The following RUSC2 variants were observed in gnomAD, a reference collection of about 807,000 sequenced individuals.
The protein encoded by RUSC2 is RUN and SH3 domain containing 2, also known as AP-4 complex accessory subunit RUSC2.
Under a neutral mutation model 122.2 loss-of-function variants are expected in RUSC2, and 34 were observed. The observed-to-expected ratio is 0.28, with a 90% CI of 0.21 to 0.37. The LOEUF is 0.37. Ranked by LOEUF, RUSC2 falls within the 10% of genes least tolerant of loss-of-function variation. The pLI is 1.00. For missense variants in RUSC2, 1,747 were observed against 1,952.4 expected, an observed-to-expected ratio of 0.89 and a Z score of 1.98; for synonymous variants, 784 against 790.0, an observed-to-expected ratio of 0.99 and a Z score of 0.13.
chr9:35,548,526 A>G lies in RUSC2; in HGVS notation c.2005A>G (p.Arg669Gly). 1 of 1,610,810 alleles carries G rather than the reference A, an allele frequency of 6.2e-7. No homozygotes were observed. Among genetic ancestry groups the G allele is most frequent in the East Asian group, 2.2e-5 (1 of 44,872 alleles). ...CCATACCCAGAGGGATGCAAGAGCT[A>G]GAGCTGACGGTAAGGAGCCTAAGGG... ...NSHTQRDARA[R>G]ADGGGTESRP... is the part of the protein sequence containing the mutation. Residue 669 changes from arginine (R) to glycine (G), a missense_variant, in exon 2 of 12, where the codon AGA becomes GGA. Transcript: ENST00000361226. The surrounding 1 kb of genome is among the most constrained non-coding windows in gnomAD (Gnocchi z 4.5).
At chr9:35,499,437 T>C (rs922435999) in intron 1 of RUSC2, among the ~76,000 whole-genome samples, 1 of 152,216 alleles carries the variant, frequency 6.6e-6, no homozygotes, top group African/African-American at 2.4e-5. Flanking sequence ...TCCTTGGAAT[T>C]GTTGGTTTAA....
intron 1 of RUSC2, among the ~76,000 whole-genome samples, chr9:35,538,332 C>T (rs529222368): frequency 6.6e-6 from 1 of 152,184 alleles, no homozygotes; most frequent in Non-Finnish European, 1.5e-5. Context: ...CTGTCTACCG[C>T]CCCGTCTCTC....
chr9:35,518,807 T>C (rs1421722656), intron 1 of RUSC2, among the ~76,000 whole-genome samples: 1 of 152,246 alleles, frequency 6.6e-6, no homozygotes, highest in African/African-American at 2.4e-5. Context: ...AACAGGCTTT[T>C]TCTTTTTCTT....
In RUSC2 at chr9:35,560,294, A is replaced by G; in HGVS notation, c.3654A>G (p.Gly1218=). 3 of 1,595,316 alleles carry G rather than the reference A, an allele frequency of 1.9e-6. No individual in the cohort carries two copies. The highest frequency in any genetic ancestry group is 1.7e-6 in the Non-Finnish European group (2 of 1,170,030). Residue 1218 remains glycine (G), a synonymous_variant, in exon 10 of 12, where the codon GGA becomes GGG. Coordinates refer to ENST00000361226, the MANE Select transcript of RUSC2 (RefSeq NM_014806.5). ...LARARGQEGP[G]DVDRAAQGER... is the part of the protein sequence containing the mutation. ...GGGCCCGGGGCCAGGAGGGCCCTGG[A>G]GACGTGGACAGGGCAGCCCAAGGGG...
intron 2 of RUSC2, chr9:35,549,055 C>A: frequency 1.0e-6 from 1 of 981,848 alleles, no homozygotes; most frequent in Non-Finnish European, 1.2e-6. Flanking sequence ...TAAATAAATA[C>A]ACTGAGGAGA....
At chr9:35,545,370 C>A (rs1040640786) in intron 1 of RUSC2, among the ~76,000 whole-genome samples, 1 of 152,178 alleles carries the variant, frequency 6.6e-6, no homozygotes, top group Non-Finnish European at 1.5e-5. Flanking sequence ...AAGACTGTTG[C>A]GACCTGAACG....
At chr9:35,510,194 T>C (rs1410178720) in intron 1 of RUSC2, among the ~76,000 whole-genome samples, 1 of 152,184 alleles carries the variant, frequency 6.6e-6, no homozygotes, top group Non-Finnish European at 1.5e-5. Flanking sequence ...TTCCGGTGAC[T>C]TTTCAAGAGT....
At chr9:35,531,894 C>T (rs960995037) in intron 1 of RUSC2, among the ~76,000 whole-genome samples, 6 of 152,066 alleles carry the variant, frequency 3.9e-5, no homozygotes, top group Admixed American at 1.3e-4. Flanking sequence ...GGCGTGGTGG[C>T]GGGCGCCTGT....
chr9:35,516,511 T>C (rs1043931047), intron 1 of RUSC2, among the ~76,000 whole-genome samples: 1 of 152,216 alleles, frequency 6.6e-6, no homozygotes, highest in Non-Finnish European at 1.5e-5. Flanking sequence ...AGATGGTTTA[T>C]GGTTCATTCT....
intron 1 of RUSC2, among the ~76,000 whole-genome samples, chr9:35,501,017 G>GA (rs1242182849): frequency 4.6e-5 from 7 of 152,014 alleles, no homozygotes; most frequent in African/African-American, 1.7e-4. Context: ...ATCTTATGAG[G>GA]AAAAAAAGAC....
chr9:35,514,703 A>T (rs10972499), intron 1 of RUSC2, among the ~76,000 whole-genome samples: 27,305 of 152,058 alleles, frequency 0.18, 2,934 homozygotes, highest in East Asian at 0.33. Flanking sequence ...TCAGCAACGG[A>T]AGTACAGAGA....
intron 1 of RUSC2, among the ~76,000 whole-genome samples, chr9:35,533,508 G>A (rs1821463924): frequency 6.6e-6 from 1 of 152,164 alleles, no homozygotes; most frequent in South Asian, 2.1e-4. Context: ...GCCATTTAAA[G>A]TATACAATTC....
intron 1 of RUSC2, among the ~76,000 whole-genome samples, chr9:35,510,145 A>G (rs1820986705): frequency 6.6e-6 from 1 of 152,262 alleles, no homozygotes; most frequent in Admixed American, 6.5e-5. Context: ...ATGAATGGGA[A>G]TAAAAGTGGA....
intron 1 of RUSC2, among the ~76,000 whole-genome samples, chr9:35,491,916 T>A (rs1820576031): frequency 6.6e-6 from 1 of 152,156 alleles, no homozygotes; most frequent in Non-Finnish European, 1.5e-5. Context: ...GATGTTGCAG[T>A]GAGCTGAGAT....
At chr9:35,529,171 G>A (rs1189387339) in intron 1 of RUSC2, among the ~76,000 whole-genome samples, 1 of 152,114 alleles carries the variant, frequency 6.6e-6, no homozygotes, top group Non-Finnish European at 1.5e-5. Context: ...GGCAAATCAA[G>A]GAGGGTAGAG....
intron 1 of RUSC2, among the ~76,000 whole-genome samples, chr9:35,513,543 T>C (rs1821047989): frequency 1.3e-5 from 2 of 151,578 alleles, no homozygotes; most frequent in South Asian, 4.2e-4. Flanking sequence ...GCACCCAACC[T>C]GAGAGTTGTA....
chr9:35,560,929 G>A (rs780693732), intron 10 of RUSC2, 31 bp from the exon 11 acceptor site: 1 of 1,608,816 alleles, frequency 6.2e-7, no homozygotes, highest in East Asian at 2.2e-5. Flanking sequence ...GCCCATCCTG[G>A]GCAGAGCCTG....
In RUSC2 at chr9:35,560,554, G is replaced by T. The variant is rs1280397035; in HGVS notation, c.3914G>T (p.Gly1305Val). Reference sequence around the variant, plus strand: ...AACAGCAGCAGCGAGAAAAAGAAAGGGGCAGGAGGTGGGGGACCTCCCCAG... The same window carrying T: ...AACAGCAGCAGCGAGAAAAAGAAAGTGGCAGGAGGTGGGGGACCTCCCCAG... ...SSNSSSEKKK[G>V]AGGGGPPQAP... is the part of the protein sequence containing the mutation. Residue 1305 changes from glycine (G) to valine (V), a missense_variant, in exon 10 of 12, where the codon GGG (glycine) becomes GTG (valine). By Grantham distance (109) the Gly-to-Val change is moderately radical (BLOSUM62 -3). Coordinates refer to ENST00000361226, the MANE Select transcript of RUSC2 (RefSeq NM_014806.5). The T allele has an allele frequency of 6.2e-7, 1 of 1,614,032 alleles. No individual in the cohort carries two copies. The highest frequency in any genetic ancestry group is 1.3e-5 in the African/African-American group (1 of 74,922).
At chr9:35,517,697 C>T (rs572887563) in intron 1 of RUSC2, among the ~76,000 whole-genome samples, 4 of 152,258 alleles carry the variant, frequency 2.6e-5, no homozygotes, top group African/African-American at 7.2e-5. Context: ...GAAAGAAGGG[C>T]ACTGCATCTC....
Sources: allele counts gnomAD v4.1 joint callset (sites outside exome capture counted in the v4.1 genomes callset), GRCh38; gene constraint gnomAD v4.1.1; non-coding constraint Gnocchi (gnomAD v3.1); transcripts MANE v1.5; gene names NCBI Gene and HGNC (gene_info 2026-07-23, HGNC 2026-07-21).